DOCK1: variants seen among roughly 807,000 people sequenced by gnomAD.
DOCK1 encodes the protein dedicator of cytokinesis 1.
Under a neutral mutation model 262.7 loss-of-function variants are expected in DOCK1, and 138 were observed. That is an observed-to-expected ratio of 0.53 (90% confidence interval 0.46 to 0.61). The LOEUF (loss-of-function observed/expected upper bound fraction) is 0.61, where lower values mean the gene tolerates loss of function less well. Among genes scored for constraint, DOCK1 ranks in the 20% least tolerant of loss-of-function variants. DOCK1 has a pLI of 0.00. For synonymous variants in DOCK1, 866 were observed against 867.4 expected (o/e 1.00, Z 0.03); for missense variants, 1,908 against 2,370.7 (o/e 0.80, Z 4.05).
Position 127,397,072 on chromosome 10 carries a change from G to A in DOCK1, c.3928-5983G>A, listed in dbSNP as rs1043186907. Among the ~76,000 whole-genome samples the A allele has an allele frequency of 4.3e-5, 6 of 139,992 alleles. 1 individual carries two copies. Among genetic ancestry groups the A allele is most frequent in the African/African-American group, 1.7e-4 (6 of 34,486 alleles). 91.8% of individuals were successfully genotyped at this position (139,992 alleles called of 152,430 possible). On this transcript the variant is annotated intron_variant, in intron 38 of 51. Coordinates refer to ENST00000623213, the MANE Select transcript of DOCK1 (RefSeq NM_001290223.2). Reference sequence around the variant, plus strand: ...TATGTGATCTGAGCATGAGTTACACGGGCAGCGACTCCTATGTGATCTGAG... The same window carrying A: ...TATGTGATCTGAGCATGAGTTACACAGGCAGCGACTCCTATGTGATCTGAG...
At chr10:127,090,363 G>A (rs2136089458) in intron 23 of DOCK1, among the ~76,000 whole-genome samples, 1 of 152,200 alleles carries the variant, frequency 6.6e-6, no homozygotes, top group African/African-American at 2.4e-5. Context: ...CAGTCACATG[G>A]TCTGCTGCAG....
intron 49 of DOCK1, among the ~76,000 whole-genome samples, chr10:127,441,821 A>T (rs1011111962): frequency 9.9e-5 from 15 of 151,436 alleles, no homozygotes; most frequent in Non-Finnish European, 2.1e-4. Context: ...CTTGATTTGC[A>T]TCATCAACAA....
chr10:126,925,711 C>T lies in DOCK1; in HGVS notation c.46+20148C>T, dbSNP rs142648521. Among the ~76,000 whole-genome samples, 892 of 150,136 alleles carry T rather than the reference C, an allele frequency of 5.9e-3. 7 individuals carry two copies. Among genetic ancestry groups the T allele is most frequent in the Middle Eastern group, 0.014 (4 of 290 alleles). On this transcript the variant is annotated intron_variant, in intron 1 of 51. Transcript: ENST00000623213. ...GTGAACATGTCTAAACACATACACACACATTGCAGAGTCTGTGTGTGTGTG... is the reference window on the plus strand; with the variant it reads ...GTGAACATGTCTAAACACATACACATACATTGCAGAGTCTGTGTGTGTGTG...
At chr10:126,928,666 G>A (rs1288399896) in intron 1 of DOCK1, among the ~76,000 whole-genome samples, 1 of 152,192 alleles carries the variant, frequency 6.6e-6, no homozygotes. Context: ...AATCCAATAT[G>A]CGTGATGTCC....
intron 47 of DOCK1, among the ~76,000 whole-genome samples, chr10:127,429,352 G>A (rs1313270196): frequency 3.9e-5 from 6 of 152,086 alleles, no homozygotes; most frequent in African/African-American, 1.4e-4. Flanking sequence ...GAGTCAAGGG[G>A]ACTGGCAGGT....
chr10:127,289,728 C>G (rs1271826558), intron 29 of DOCK1, among the ~76,000 whole-genome samples: 4 of 152,024 alleles, frequency 2.6e-5, no homozygotes, highest in Non-Finnish European at 5.9e-5. Flanking sequence ...TTCTATACTG[C>G]TTAGAGTTTA....
chr10:127,316,185 C>G (rs2062271638), intron 29 of DOCK1, among the ~76,000 whole-genome samples: 1 of 152,198 alleles, frequency 6.6e-6, no homozygotes, highest in Admixed American at 6.5e-5. Flanking sequence ...CTAAAATTTA[C>G]TCACGTAGCA....
rs372417174 is a variant in DOCK1, at chr10:127,175,702, G to C, written c.2847+47938G>C. 1.2e-6 allele frequency: 2 copies of C among 1,613,696 alleles called. No individual in the cohort carries two copies. The highest frequency in any genetic ancestry group is 8.5e-7 in the Non-Finnish European group (1 of 1,179,988). ...GGCTCCTCGGAGTTTGGCCTCCCCCGGTCCTGCTTGGCCCTCCCGAGCAGC... is the reference window on the plus strand; with the variant it reads ...GGCTCCTCGGAGTTTGGCCTCCCCCCGTCCTGCTTGGCCCTCCCGAGCAGC... On this transcript the variant is annotated intron_variant, in intron 27 of 51. Transcript: ENST00000623213. The surrounding 1 kb of genome is among the most constrained non-coding windows in gnomAD (Gnocchi z 6.3).
intron 28 of DOCK1, among the ~76,000 whole-genome samples, chr10:127,251,831 A>G (rs11016953): frequency 0.79 from 107,223 of 135,132 alleles, 43,217 homozygotes; most frequent in Non-Finnish European, 0.85. Context: ...GAATAGTGCC[A>G]CAATAAACAT....
chr10:127,261,317 ATG>A (rs1157827785), intron 29 of DOCK1, among the ~76,000 whole-genome samples: 3 of 57,524 alleles, frequency 5.2e-5, no homozygotes, highest in African/African-American at 2.2e-4. Flanking sequence ...GTGTGCCTGC[ATG>A]TGTGTGCATG....
intron 2 of DOCK1, among the ~76,000 whole-genome samples, chr10:126,977,111 T>C (rs2134765236): frequency 6.6e-6 from 1 of 152,300 alleles, no homozygotes; most frequent in South Asian, 2.1e-4. Flanking sequence ...TAAAAAATCA[T>C]CCATCTGAAC....
intron 18 of DOCK1, among the ~76,000 whole-genome samples, chr10:127,036,043 T>TAAAAAAAA (rs56691668): frequency 3.4e-5 from 5 of 147,662 alleles, no homozygotes; most frequent in South Asian, 4.3e-4. Flanking sequence ...AATAAATAAA[T>TAAAAAAAA]AAAAAAGAGT....
intron 29 of DOCK1, among the ~76,000 whole-genome samples, chr10:127,262,495 C>T (rs11017012): frequency 1.3e-5 from 2 of 151,602 alleles, no homozygotes; most frequent in African/African-American, 4.9e-5. Context: ...AACTTTTATT[C>T]CCACATCCTT....
At chr10:127,108,047 T>C (rs1233618172) in intron 24 of DOCK1, among the ~76,000 whole-genome samples, 1 of 152,240 alleles carries the variant, frequency 6.6e-6, no homozygotes, top group Non-Finnish European at 1.5e-5. Context: ...CCAGGGCCGA[T>C]GCAGGCTGCT....
At chr10:127,387,679 T>C (rs1200064005) in intron 38 of DOCK1, among the ~76,000 whole-genome samples, 1 of 152,156 alleles carries the variant, frequency 6.6e-6, no homozygotes, top group Non-Finnish European at 1.5e-5. Flanking sequence ...CCACCATGCA[T>C]CTAATGCTCG....
intron 27 of DOCK1, among the ~76,000 whole-genome samples, chr10:127,209,536 A>T (rs1475794019): frequency 6.6e-6 from 1 of 152,200 alleles, no homozygotes; most frequent in Admixed American, 6.5e-5. Context: ...TGTCAGAGGC[A>T]ACAGTACAGC....
In DOCK1 at chr10:126,949,673, G is replaced by A. The variant is rs1421074855; in HGVS notation, c.47-21029G>A. On this transcript the variant is annotated intron_variant, in intron 1 of 51. Coordinates refer to ENST00000623213, the MANE Select transcript of DOCK1 (RefSeq NM_001290223.2). ...GACAGCAAAATGTAGGCGTTTGACT[G>A]ATGCAGGAAGGATCTGGAGGGGAAA... 3.9e-5 allele frequency among the ~76,000 whole-genome samples: 6 copies of A among 152,276 alleles called. No individual in the cohort carries two copies. In the South Asian group the frequency reaches 8.3e-4, roughly 21 times the overall value.
At chr10:126,936,759 T>G (rs1267386554) in intron 1 of DOCK1, among the ~76,000 whole-genome samples, 1 of 152,226 alleles carries the variant, frequency 6.6e-6, no homozygotes, top group Non-Finnish European at 1.5e-5. Context: ...TGCTTACTTC[T>G]TTTTCCTTTA....
At chr10:127,114,617 A>G (rs1356547716) in intron 25 of DOCK1, among the ~76,000 whole-genome samples, 1 of 119,658 alleles carries the variant, frequency 8.4e-6, no homozygotes, top group Non-Finnish European at 1.7e-5. Flanking sequence ...CTGTGCATTC[A>G]AGATACCTTT....
Sources: allele counts gnomAD v4.1 joint callset (sites outside exome capture counted in the v4.1 genomes callset), GRCh38; gene constraint gnomAD v4.1.1; non-coding constraint Gnocchi (gnomAD v3.1); transcripts MANE v1.5; gene names NCBI Gene and HGNC (gene_info 2026-07-23, HGNC 2026-07-21).